GSG1L2: variants seen among roughly 807,000 people sequenced by gnomAD.
GSG1L2 encodes the protein germ cell-specific gene 1-like protein 2.
In GSG1L2, 15 loss-of-function variants were observed where a neutral mutation model predicts 9.0. The observed-to-expected ratio is 1.67, with a 90% CI of 1.12 to 2.57. The LOEUF (loss-of-function observed/expected upper bound fraction) is 2.57. GSG1L2 is among the 30% of genes most tolerant of loss of function. The pLI is 0.00. For synonymous variants in GSG1L2, 127 were observed against 57.9 expected (o/e 2.19, Z -5.41); for missense variants, 286 against 150.3 (o/e 1.90, Z -4.72).
chr17:9,803,285 T>C (rs76986236), intron 4 of GSG1L2, among the ~76,000 whole-genome samples: 2 of 152,110 alleles, frequency 1.3e-5, no homozygotes, highest in African/African-American at 4.8e-5. Context: ...GTATTTTTAG[T>C]AGAGACAGGG....
At chr17:9,815,364 A>G (rs966780330) in intron 1 of GSG1L2, among the ~76,000 whole-genome samples, 3 of 152,134 alleles carry the variant, frequency 2.0e-5, no homozygotes, top group Non-Finnish European at 4.4e-5. Context: ...TGGGTCACTT[A>G]CATCTCTGGA....
rs201299125 is a variant in GSG1L2 at position 9,816,896 on chromosome 17, C to CTGTG, written c.310+4862_310+4865dup. Among the ~76,000 whole-genome samples, 21 of 134,964 alleles carry CTGTG rather than the reference C, an allele frequency of 1.6e-4. No individual in the cohort carries two copies. In the East Asian group the frequency reaches 3.0e-3, roughly 20 times the overall value. The allele number at this position is 134,964 out of a possible 152,430, so 88.5% of individuals were successfully genotyped here. ...TGTGTGTGTATCTGTGTGTGTGTAT[C>CTGTG]TGTGTGTGTGTATCTGTGTGTGTGT... is the stretch of plus-strand genomic sequence containing the variant. On this transcript the variant is annotated intron_variant, in intron 1 of 4. Coordinates refer to ENST00000399363, the MANE Select transcript of GSG1L2 (RefSeq NM_001310219.2).
rs377057350 is a variant in GSG1L2 at position 9,818,501 on chromosome 17, A to ATTTTTTTTTTT, written c.310+3250_310+3260dup. Among the ~76,000 whole-genome samples, 49 of 82,804 alleles carry ATTTTTTTTTTT rather than the reference A, an allele frequency of 5.9e-4. 1 individual carries two copies. Among genetic ancestry groups the ATTTTTTTTTTT allele is most frequent in the East Asian group, 1.9e-3 (5 of 2,640 alleles). The allele number at this position is 82,804 out of a possible 152,430, so 54.3% of individuals were successfully genotyped here. ...GGTGCACACCACCACACACAGCTAA[A>ATTTTTTTTTTT]TTTTTTTTTTTTTTTTTTTTTTTTT... On this transcript the variant is annotated intron_variant, in intron 1 of 4. Transcript: ENST00000399363.
At chr17:9,808,775 G>A (rs56256681) in intron 3 of GSG1L2, 55 bp downstream of exon 3, 316,976 of 695,702 alleles carry the variant, frequency 0.46, 72,918 homozygotes, top group Middle Eastern at 0.55. Context: ...TGTCCAGTCT[G>A]ACACTCTGCT....
At chr17:9,811,911 G>T (rs569780595) in intron 1 of GSG1L2, among the ~76,000 whole-genome samples, 1 of 152,222 alleles carries the variant, frequency 6.6e-6, no homozygotes, top group African/African-American at 2.4e-5. Context: ...CCTGGTGGGA[G>T]CTGAAGCAGA....
At chr17:9,811,855 G>A (rs183985887) in intron 1 of GSG1L2, among the ~76,000 whole-genome samples, 31 of 152,222 alleles carry the variant, frequency 2.0e-4, no homozygotes, top group Non-Finnish European at 3.2e-4. Context: ...GAAAGGTGCC[G>A]GGGGTGCAAA....
chr17:9,813,563 G>A (rs960858329), intron 1 of GSG1L2, among the ~76,000 whole-genome samples: 1 of 152,194 alleles, frequency 6.6e-6, no homozygotes, highest in African/African-American at 2.4e-5. Context: ...CGGTCACAGA[G>A]GAAACAATTC....
chr17:9,817,794 T>C (rs973818886), intron 1 of GSG1L2, among the ~76,000 whole-genome samples: 4 of 152,020 alleles, frequency 2.6e-5, no homozygotes, highest in African/African-American at 4.8e-5. Flanking sequence ...GACCTTATGT[T>C]GCAGGGAAGG....
At chr17:9,819,789 C>T (rs560792824) in intron 1 of GSG1L2, among the ~76,000 whole-genome samples, 8 of 152,174 alleles carry the variant, frequency 5.3e-5, no homozygotes, top group South Asian at 4.2e-4. Flanking sequence ...CACATCACCA[C>T]GCCCAGCTAT....
intron 1 of GSG1L2, among the ~76,000 whole-genome samples, chr17:9,811,753 C>T (rs565445513): frequency 9.2e-5 from 14 of 152,254 alleles, no homozygotes; most frequent in South Asian, 4.1e-4. Flanking sequence ...CTCAAGACAG[C>T]GTAGGTAGAG....
At chr17:9,803,627 G>A (rs2066505923) in intron 4 of GSG1L2, among the ~76,000 whole-genome samples, 2 of 152,206 alleles carry the variant, frequency 1.3e-5, no homozygotes, top group Admixed American at 1.3e-4. Flanking sequence ...AAAATGTAGG[G>A]CTAACCAGAG....
intron 1 of GSG1L2, among the ~76,000 whole-genome samples, chr17:9,813,572 T>C (rs1306189884): frequency 1.3e-5 from 2 of 152,154 alleles, no homozygotes; most frequent in Admixed American, 1.3e-4. Flanking sequence ...AGGAAACAAT[T>C]CATCTGAGCC....
intron 1 of GSG1L2, among the ~76,000 whole-genome samples, chr17:9,811,306 A>G (rs1314012821): frequency 6.6e-6 from 1 of 152,150 alleles, no homozygotes; most frequent in Non-Finnish European, 1.5e-5. Flanking sequence ...TGATTTCTTG[A>G]CTATGAAAGG....
intron 2 of GSG1L2, 44 bp from the exon 3 acceptor site, chr17:9,809,026 C>T (rs1465407891): frequency 7.2e-6 from 5 of 697,154 alleles, no homozygotes; most frequent in Non-Finnish European, 1.3e-5. Context: ...ACTTCTAATT[C>T]AGAAATACTA....
rs202173606 is a variant in GSG1L2, at chr17:9,816,504, C to G, written c.310+5258G>C. ...TGTGTGTGCATGTGTCTGTGTGTGC[C>G]TGTCTGTGTGTGCGTGTCTGTGTCT... On this transcript the variant is annotated intron_variant, in intron 1 of 4. Transcript: ENST00000399363. Among the ~76,000 whole-genome samples the G allele has an allele frequency of 4.8e-4, 27 of 56,544 alleles. No individual in the cohort carries two copies. The East Asian group carries it at 0.02, about 41-fold the overall frequency. The allele number at this position is 56,544 out of a possible 152,430, so 37.1% of individuals were successfully genotyped here.
At chr17:9,810,977 C>T in intron 1 of GSG1L2, 1 of 278,276 alleles carries the variant, frequency 3.6e-6, no homozygotes, top group Non-Finnish European at 6.8e-6. Flanking sequence ...ACAATGAGGA[C>T]AGACCCCTTG....
rs2152021611 is a variant in GSG1L2, at chr17:9,802,018, G to T, written c.*368C>A. ...CAAACCTATGCGGACAACACATTTTGCCTCCCTTGTAGTTAAAAAGACTTG... is the reference window on the plus strand; with the variant it reads ...CAAACCTATGCGGACAACACATTTTTCCTCCCTTGTAGTTAAAAAGACTTG... On this transcript the variant is annotated 3_prime_UTR_variant, in exon 5 of 5. Coordinates refer to ENST00000399363, the MANE Select transcript of GSG1L2 (RefSeq NM_001310219.2). 6.6e-6 allele frequency among the ~76,000 whole-genome samples: 1 copy of T among 152,300 alleles called. No individual in the cohort carries two copies.
intron 4 of GSG1L2, chr17:9,803,739 G>A (rs534793172): frequency 3.3e-5 from 5 of 152,282 alleles, no homozygotes; most frequent in Admixed American, 6.5e-5. Flanking sequence ...AACACCTCAC[G>A]GCGACCCCCT....
At chr17:9,805,101 G>A (rs2066511884) in intron 4 of GSG1L2, 1 of 151,964 alleles carries the variant, frequency 6.6e-6, no homozygotes, top group African/African-American at 2.4e-5. Context: ...TATAAAGAAA[G>A]TAATAAGATC....
Sources: gnomAD v4.1 joint callset for allele counts (sites outside exome capture counted in the v4.1 genomes callset) on GRCh38, gnomAD v4.1.1 for gene constraint, MANE v1.5 for transcripts, NCBI Gene and HGNC (gene_info 2026-07-23, HGNC 2026-07-21) for gene names.